The following PEX10 variants were observed in gnomAD, a reference collection of about 807,000 sequenced individuals.
The protein encoded by PEX10 is peroxisome biogenesis factor 10.
A neutral mutation model predicts 38.0 loss-of-function variants in PEX10; 32 were observed. The observed-to-expected ratio is 0.84, with a 90% CI of 0.63 to 1.13. The LOEUF (loss-of-function observed/expected upper bound fraction) is 1.13. Among genes scored for constraint, PEX10 ranks in the 50% most tolerant of loss-of-function variants. The probability of loss-of-function intolerance (pLI) is 0.00; values close to 1 mark genes in which losing one functional copy is unlikely to be tolerated. For synonymous variants in PEX10, 206 were observed against 207.3 expected (o/e 0.99, Z 0.05); for missense variants, 483 against 457.7 (o/e 1.06, Z -0.51).
At position 2,409,212 on chromosome 1, in the gene PEX10, A is replaced by G. The variant is rs1643109414; in HGVS notation, c.194-354T>C. 6.6e-6 allele frequency among the ~76,000 whole-genome samples: 1 copy of G among 151,098 alleles called. No homozygotes were observed. The highest frequency in any genetic ancestry group is 2.4e-5 in the African/African-American group (1 of 41,048). On this transcript the variant is annotated intron_variant, in intron 2 of 5. Transcript: ENST00000447513. This position sits in a 1 kb window ranked among gnomAD's most constrained non-coding sequence, Gnocchi z 6.2. ...AGCCCAAGCACTCGGATCCAGTCCC[A>G]TGGCTCTCCACCAACCACACAGCTG...
chr1:2,405,945 T>C, intron 5 of PEX10, 111 bp from the exon 6 acceptor site: 3 of 868,768 alleles, frequency 3.5e-6, no homozygotes. Context: ...ACAACATAAA[T>C]GTTGTATTTC....
At position 2,406,018 on chromosome 1, in the gene PEX10, G is replaced by T. The variant is rs534308992; in HGVS notation, c.913-184C>A. Among the ~76,000 whole-genome samples, 31 of 152,380 alleles carry T rather than the reference G, an allele frequency of 2.0e-4. No homozygotes were observed. In the East Asian group the frequency reaches 4.4e-3, roughly 22 times the overall value. ...AAGGCCGAGTCCCAGTGGGGGCTGG[G>T]GCGGGGCTGGGGGCGTAGGGCTCAG... On this transcript the variant is annotated intron_variant, in intron 5 of 5. Transcript: ENST00000447513.
Position 2,408,548 on chromosome 1 carries a change from T to A in PEX10, c.504A>T (p.Arg168Ser). 1 of 1,612,630 alleles carries A rather than the reference T, an allele frequency of 6.2e-7. No individual in the cohort carries two copies. The highest frequency in any genetic ancestry group is 1.1e-5 in the South Asian group (1 of 91,088). Residue 168 changes from arginine to serine, a missense_variant, in exon 3 of 6, where the codon AGA (arginine) becomes AGT (serine). Arg to Ser is a moderately radical substitution (Grantham distance 110). Transcript: ENST00000447513. ...RALLRAVFVL[R>S]QGLACLQRLH... is the part of the protein sequence containing the mutation. ...GCCGCTGGAGGCAGGCGAGGCCCTG[T>A]CTGAGGACGAAGACCGCCCGCAGCA...
chr1:2,408,754 C>T lies in PEX10; in HGVS notation c.298G>A (p.Ala100Thr). The change falls in exon 3 of 6, where the codon GCC (alanine) becomes ACC (threonine). Residue 100 changes from alanine (A) to threonine (T), a missense_variant. By Grantham distance (58) the Ala-to-Thr change is moderately conservative. Transcript: ENST00000447513. ...TTGTCCAGCAGGTAGGGCAGGACGG[C>T]ATGCAGTGTCACCAGCACGCCACGG... ...LRRGVLVTLHAVLPYLLDKAL... is the reference protein window; with the variant it reads ...LRRGVLVTLHTVLPYLLDKAL... 6.2e-7 allele frequency: 1 copy of T among 1,613,976 alleles called. No homozygotes were observed. The highest frequency in any genetic ancestry group is 8.5e-7 in the Non-Finnish European group (1 of 1,179,926).
In PEX10 at chr1:2,406,839, C is replaced by G; in HGVS notation, c.657G>C (p.Leu219=). 6.2e-7 allele frequency: 1 copy of G among 1,610,536 alleles called. No individual in the cohort carries two copies. Among genetic ancestry groups the G allele is most frequent in the Non-Finnish European group, 8.5e-7 (1 of 1,178,784 alleles). The change falls in exon 4 of 6, where the codon CTG becomes CTC. Residue 219 remains leucine (L), a synonymous_variant. Coordinates refer to ENST00000447513, the MANE Select transcript of PEX10 (RefSeq NM_002617.4). ...EDLRARVSYR[L]LGVISLLHLV... is the part of the protein sequence containing the mutation. ...GGTGCAGCAGTGAGATGACCCCCAGCAGCCTGTAGCTAACACGGGCCCTCA... is the reference window on the plus strand; with the variant it reads ...GGTGCAGCAGTGAGATGACCCCCAGGAGCCTGTAGCTAACACGGGCCCTCA...
At chr1:2,412,954 G>A (rs907733688), upstream of PEX10, among the ~76,000 whole-genome samples, 12 of 152,328 alleles carry the variant, frequency 7.9e-5, no homozygotes, top group African/African-American at 2.6e-4. Flanking sequence ...GCCCATTTAC[G>A]GCTGGGGAGA....
chr1:2,405,660 T>G lies in PEX10; in HGVS notation c.*106A>C. On this transcript the variant is annotated 3_prime_UTR_variant, in exon 6 of 6. Coordinates refer to ENST00000447513, the MANE Select transcript of PEX10 (RefSeq NM_002617.4). ...GTTAGTATCTTACATGACAAAAAAC[T>G]GAGAGTGTTCTAACTTCTGTGCAAG... is the stretch of plus-strand genomic sequence containing the variant. 2 of 1,025,472 alleles carry G rather than the reference T, an allele frequency of 2.0e-6. No homozygotes were observed. Among genetic ancestry groups the G allele is most frequent in the East Asian group, 2.6e-5 (1 of 38,566 alleles). 63.5% of individuals were successfully genotyped at this position (1,025,472 alleles called of 1,614,324 possible).
rs529536785 is a variant in PEX10, at chr1:2,405,798, G to A, written c.949C>T (p.Gln317Ter). The A allele has an allele frequency of 2.5e-6, 4 of 1,602,878 alleles. No homozygotes were observed. Among genetic ancestry groups the A allele is most frequent in the African/African-American group, 1.3e-5 (1 of 74,800 alleles). ...CPLCREKFPPQKLIYLRHYR is the reference protein window; with the variant it reads ...CPLCREKFPP ...TAGTGCCGAAGGTAGATGAGCTTCT[G>A]GGGAGGGAACTTCTCCCGGCAGAGG... The change falls in exon 6 of 6, where the codon CAG (glutamine) becomes TAG (stop). Residue 317 changes from glutamine to a stop codon, truncating the protein, a stop_gained. Coordinates refer to ENST00000447513, the MANE Select transcript of PEX10 (RefSeq NM_002617.4). LOFTEE classifies it high-confidence loss of function.
chr1:2,412,681 G>A (rs1452686488), upstream of PEX10: 4 of 407,932 alleles, frequency 9.8e-6, no homozygotes, highest in Non-Finnish European at 1.2e-5. Flanking sequence ...AGCGGGGCTG[G>A]AGTCCGAACC....
chr1:2,407,684 G>A (rs1255920813), intron 3 of PEX10, among the ~76,000 whole-genome samples: 3 of 152,210 alleles, frequency 2.0e-5, no homozygotes, highest in African/African-American at 7.2e-5. Flanking sequence ...CATTGGCTCT[G>A]CGACGAGGTC....
rs2100441317 is a variant in PEX10, at chr1:2,412,442, A to G, written c.61T>C (p.Tyr21His). 7.0e-7 allele frequency: 1 copy of G among 1,429,480 alleles called. No individual in the cohort carries two copies. The highest frequency in any genetic ancestry group is 3.0e-5 in the East Asian group (1 of 33,000). 88.5% of individuals were successfully genotyped at this position (1,429,480 alleles called of 1,614,324 possible). ...VIRAAQKDEY[Y>H]RGGLRSAAGG... Reference sequence around the variant, plus strand: ...GCCGCGCTCCGCAGCCCACCGCGGTAGTACTCGTCCTTCTGCGCCGCGCGG... The same window carrying G: ...GCCGCGCTCCGCAGCCCACCGCGGTGGTACTCGTCCTTCTGCGCCGCGCGG... Residue 21 changes from tyrosine (Y) to histidine (H), a missense_variant, in exon 1 of 6, where the codon TAC becomes CAC. Coordinates refer to ENST00000447513, the MANE Select transcript of PEX10 (RefSeq NM_002617.4).
chr1:2,410,248 G>A lies in PEX10; in HGVS notation c.193+123C>T. The A allele has an allele frequency of 1.2e-6, 1 of 849,076 alleles. No individual in the cohort carries two copies. Among genetic ancestry groups the A allele is most frequent in the Non-Finnish European group, 2.0e-6 (1 of 506,622 alleles). 52.6% of individuals were successfully genotyped at this position (849,076 alleles called of 1,614,324 possible). On this transcript the variant is annotated intron_variant, in intron 2 of 5. Coordinates refer to ENST00000447513, the MANE Select transcript of PEX10 (RefSeq NM_002617.4). This position sits in a 1 kb window ranked among gnomAD's most constrained non-coding sequence, Gnocchi z 5.1. ...GGAGCAGTACCTCCTGCACTTCCCT[G>A]AAGCAACCTCACCCGGGCCAGCTCC...
In PEX10 at chr1:2,410,767, C is replaced by T. The variant is rs1488245879; in HGVS notation, c.113-316G>A. The T allele has an allele frequency of 6.0e-6, 3 of 497,212 alleles. No individual in the cohort carries two copies. The highest frequency in any genetic ancestry group is 1.2e-5 in the Non-Finnish European group (3 of 254,380). The allele number at this position is 497,212 out of a possible 1,614,324, so 30.8% of individuals were successfully genotyped here. A position where few individuals can be genotyped will look rare whatever the true frequency, so the allele number is the denominator to read the frequency against. On this transcript the variant is annotated intron_variant, in intron 1 of 5. Coordinates refer to ENST00000447513, the MANE Select transcript of PEX10 (RefSeq NM_002617.4). This position sits in a 1 kb window ranked among gnomAD's most constrained non-coding sequence, Gnocchi z 5.1. ...GGTCTGGGGTATTAAGATTACAGGC[C>T]AGAGGCCAACTGTCTAGCATCAAAA...
Position 2,406,573 on chromosome 1 carries a change from G to C in PEX10, c.823C>G (p.Leu275Val), listed in dbSNP as rs752928632. Residue 275 changes from leucine (L) to valine (V), a missense_variant, in exon 5 of 6, where the codon CTG becomes GTG. By Grantham distance (32) the Leu-to-Val change is conservative. Coordinates refer to ENST00000447513, the MANE Select transcript of PEX10 (RefSeq NM_002617.4). ...RAVSRNPLCT[L>V]CLEERRHPTA... ...GGGTGCCTGCGCTCCTCCAGGCACA[G>C]GGTGCACAGGGGGTTTCTGGAAACG... The C allele has an allele frequency of 1.2e-6, 2 of 1,613,438 alleles. No homozygotes were observed. Among genetic ancestry groups the C allele is most frequent in the Non-Finnish European group, 1.7e-6 (2 of 1,179,980 alleles).
At chr1:2,413,803 C>A (rs1272735418), upstream of PEX10, 1 of 152,346 alleles carries the variant, frequency 6.6e-6, no homozygotes, top group Non-Finnish European at 1.5e-5. Flanking sequence ...GTGGGATCAT[C>A]CCCAGACTGG....
At position 2,409,009 on chromosome 1, in the gene PEX10, C is replaced by T; in HGVS notation, c.194-151G>A. 1.3e-6 allele frequency: 1 copy of T among 780,424 alleles called. No individual in the cohort carries two copies. Among genetic ancestry groups the T allele is most frequent in the Non-Finnish European group, 2.2e-6 (1 of 459,552 alleles). The allele number at this position is 780,424 out of a possible 1,614,324, so 48.3% of individuals were successfully genotyped here. A position where few individuals can be genotyped will look rare whatever the true frequency, so the allele number is the denominator to read the frequency against. On this transcript the variant is annotated intron_variant, in intron 2 of 5. Coordinates refer to ENST00000447513, the MANE Select transcript of PEX10 (RefSeq NM_002617.4). The surrounding 1 kb of genome is among the most constrained non-coding windows in gnomAD (Gnocchi z 6.2). ...ACTGTCACCCCGTGCTGGCTGAGGC[C>T]AACATGACCTTCTGTCGCTAAGCCC... is the stretch of plus-strand genomic sequence containing the variant.
Position 2,405,353 on chromosome 1 carries a change from G to A in PEX10, c.*413C>T, listed in dbSNP as rs974456230. On this transcript the variant is annotated 3_prime_UTR_variant, in exon 6 of 6. Coordinates refer to ENST00000447513, the MANE Select transcript of PEX10 (RefSeq NM_002617.4). The stretch of plus-strand genomic sequence containing the variant: ...CTCCGTGCCCCACCCCACCCAGCAC[G>A]CACTCATTCAGTCCATTGCCTTAAC... 8.6e-6 allele frequency: 3 copies of A among 349,334 alleles called. No individual in the cohort carries two copies. The highest frequency in any genetic ancestry group is 7.5e-5 in the East Asian group (1 of 13,266). 21.6% of individuals were successfully genotyped at this position (349,334 alleles called of 1,614,324 possible). A position where few individuals can be genotyped will look rare whatever the true frequency, so the allele number is the denominator to read the frequency against.
chr1:2,406,898 G>A lies in PEX10; in HGVS notation c.601-3C>T, dbSNP rs369643163. 6.2e-7 allele frequency: 1 copy of A among 1,608,034 alleles called. No homozygotes were observed. Among genetic ancestry groups the A allele is most frequent in the Non-Finnish European group, 8.5e-7 (1 of 1,177,574 alleles). ...CCGGGCAGGCTGCGGACACGGAGCT[G>A]TAAGGCAGATGGCGCCACACTCATC... On this transcript the variant is annotated splice_region_variant and splice_polypyrimidine_tract_variant and intron_variant, in intron 3 of 5. Transcript: ENST00000447513.
chr1:2,408,990 AC>A, intron 2 of PEX10, 132 bp from the exon 3 acceptor site: 1 of 886,900 alleles, frequency 1.1e-6, no homozygotes, highest in African/African-American at 1.7e-5. Context: ...GCCCACTGTC[AC>A]CCCGTGCTGG....
Sources: gnomAD v4.1 joint callset for allele counts (sites outside exome capture counted in the v4.1 genomes callset) on GRCh38, gnomAD v4.1.1 for gene constraint, Gnocchi (gnomAD v3.1) non-coding constraint, MANE v1.5 for transcripts, NCBI Gene and HGNC (gene_info 2026-07-23, HGNC 2026-07-21) for gene names.